The following DMD variants were observed in gnomAD, a reference collection of about 807,000 sequenced individuals.
DMD encodes mutant dystrophin.
A neutral mutation model predicts 330.1 loss-of-function variants in DMD; 63 were observed. The observed-to-expected ratio is 0.19, with a 90% CI of 0.16 to 0.24. The LOEUF is 0.24. Ranked by LOEUF, DMD falls within the 10% of genes least tolerant of loss-of-function variation. DMD has a pLI of 1.00. For synonymous variants in DMD, 1,223 were observed against 959.8 expected, an observed-to-expected ratio of 1.27 and a Z score of -5.07; for missense variants, 3,344 against 2,684.1, an observed-to-expected ratio of 1.25 and a Z score of -5.43.
intron 61 of DMD, among the ~76,000 whole-genome samples, chrX:31,329,960 A>C (rs2057014800): frequency 2.5e-5 from 2 of 80,140 alleles, no homozygotes; most frequent in African/African-American, 9.6e-5. Context: ...ACAGAGCAAG[A>C]TTCCATCTCA....
At chrX:32,698,981 T>C in intron 8 of DMD, 131 bp downstream of exon 8, 2 of 573,214 alleles carry the variant, frequency 3.5e-6, no homozygotes, top group Non-Finnish European at 5.7e-6. Context: ...TTTGTACATA[T>C]ACATACATTA....
intron 2 of DMD, among the ~76,000 whole-genome samples, chrX:32,863,319 C>A (rs746111825): frequency 2.0e-4 from 22 of 108,857 alleles, no homozygotes; most frequent in African/African-American, 7.1e-4. Flanking sequence ...GAGTTTGAGA[C>A]CAGCCTGGCC....
At chrX:31,666,361 G>T (rs956866356) in intron 53 of DMD, among the ~76,000 whole-genome samples, 1 of 111,852 alleles carries the variant, frequency 8.9e-6, no homozygotes, top group Non-Finnish European at 1.9e-5. Flanking sequence ...AATGTACCAA[G>T]ATGGAGATAC....
rs1425824347 is a variant in DMD at position 31,889,645 on chromosome X, TCTCACA to T, written c.6913-14278_6913-14273del. On this transcript the variant is annotated intron_variant, in intron 47 of 78. Coordinates refer to ENST00000357033, the MANE Select transcript of DMD (RefSeq NM_004006.3). Reference sequence around the variant, plus strand: ...GTCTCTCTCTCTCTCTCTCTCTCTCTCTCACACACACACACACACACACACACACAC... The same window carrying T: ...GTCTCTCTCTCTCTCTCTCTCTCTCTCACACACACACACACACACACACAC... Among the ~76,000 whole-genome samples, 283 of 67,604 alleles carry T rather than the reference TCTCACA, an allele frequency of 4.2e-3. 1 individual carries two copies. Among genetic ancestry groups the T allele is most frequent in the Non-Finnish European group, 5.0e-3 (182 of 36,561 alleles). 58.7% of individuals were successfully genotyped at this position (67,604 alleles called of 115,157 possible).
At chrX:31,516,949 T>C (rs772436256) in intron 55 of DMD, among the ~76,000 whole-genome samples, 1 of 111,518 alleles carries the variant, frequency 9.0e-6, no homozygotes, top group Admixed American at 9.6e-5. Flanking sequence ...ACTCTGGTAA[T>C]ACGTGATGCT....
intron 1 of DMD, among the ~76,000 whole-genome samples, chrX:33,101,191 CT>C (rs2095234793): frequency 8.9e-6 from 1 of 112,297 alleles, no homozygotes; most frequent in Non-Finnish European, 1.9e-5. Flanking sequence ...TGTTAATGTC[CT>C]ACTAAAGCTA....
chrX:33,317,917 A>C (rs762376431), intron 1 of DMD, among the ~76,000 whole-genome samples: 1 of 111,899 alleles, frequency 8.9e-6, no homozygotes, highest in East Asian at 2.8e-4. Flanking sequence ...AGGGATTAAT[A>C]AAGTTTCTAC....
intron 1 of DMD, among the ~76,000 whole-genome samples, chrX:33,221,109 T>C (rs909040774): frequency 1.8e-5 from 2 of 111,643 alleles, no homozygotes; most frequent in Admixed American, 9.5e-5. Flanking sequence ...GGGATGACCA[T>C]AGTGACAAAT....
chrX:31,129,161 CAT>C (rs1226655136), intron 77 of DMD, among the ~76,000 whole-genome samples: 2 of 111,123 alleles, frequency 1.8e-5, no homozygotes, highest in Non-Finnish European at 3.8e-5. Context: ...ATAAAATTGA[CAT>C]TATTGATTGT....
rs1187814461 is a variant in DMD, at chrX:31,436,356, A to G, written c.9084+8125T>C. On this transcript the variant is annotated intron_variant, in intron 60 of 78. Transcript: ENST00000357033. ...TTTTCATTCTCTTAAATTCATAAAT[A>G]TTTCTTTGGCTCCTGATGGCTTCAT... 4.5e-5 allele frequency among the ~76,000 whole-genome samples: 5 copies of G among 111,368 alleles called. No homozygotes were observed. In the Admixed American group the frequency reaches 4.8e-4, roughly 11 times the overall value.
At chrX:31,413,257 G>T (rs2061723399) in intron 60 of DMD, among the ~76,000 whole-genome samples, 1 of 112,180 alleles carries the variant, frequency 8.9e-6, no homozygotes, top group Non-Finnish European at 1.9e-5. Flanking sequence ...TACAGTCCTT[G>T]TGGTTATTTA....
intron 11 of DMD, among the ~76,000 whole-genome samples, chrX:32,623,931 CTATTT>C (rs1449429641): frequency 9.0e-6 from 1 of 111,638 alleles, no homozygotes; most frequent in African/African-American, 3.3e-5. Context: ...AGACTGTGCA[CTATTT>C]TATTTTTTTC....
chrX:33,217,683 G>T (rs1039549393), intron 1 of DMD, among the ~76,000 whole-genome samples: 5 of 111,603 alleles, frequency 4.5e-5, no homozygotes, highest in East Asian at 2.8e-4. Flanking sequence ...ATGCTGTATT[G>T]TTACATATAG....
chrX:32,457,676 G>T (rs2098366242), intron 25 of DMD, among the ~76,000 whole-genome samples: 1 of 96,685 alleles, frequency 1.0e-5, no homozygotes, highest in Non-Finnish European at 2.1e-5. Flanking sequence ...TATTCTGATT[G>T]CTTATATTTT....
chrX:31,321,607 A>AAAAAAAAAAAAAAAAAAAAAAAAAAG (rs1388525572), intron 62 of DMD, among the ~76,000 whole-genome samples: 1 of 89,284 alleles, frequency 1.1e-5, no homozygotes, highest in Non-Finnish European at 2.0e-5. Flanking sequence ...AAAAAAAAAA[A>AAAAAAAAAAAAAAAAAAAAAAAAAAG]AAAGAAAGAA....
intron 1 of DMD, among the ~76,000 whole-genome samples, chrX:33,260,801 T>A (rs750446862): frequency 9.0e-6 from 1 of 111,621 alleles, no homozygotes; most frequent in Non-Finnish European, 1.9e-5. Flanking sequence ...ATTTTGTCGA[T>A]GATAGGTTGT....
chrX:31,889,445 T>C (rs56400276), intron 47 of DMD, among the ~76,000 whole-genome samples: 27,954 of 108,987 alleles, frequency 0.26, 2,797 homozygotes, highest in African/African-American at 0.28. Context: ...ATAGGTGACA[T>C]TGATTTGCTC....
chrX:32,378,639 T>C (rs777639077), intron 34 of DMD, among the ~76,000 whole-genome samples: 2 of 110,852 alleles, frequency 1.8e-5, no homozygotes, highest in Non-Finnish European at 3.8e-5. Context: ...ATTCAGCAGA[T>C]ATAAATTAAA....
intron 7 of DMD, among the ~76,000 whole-genome samples, chrX:32,749,922 C>A (rs1035704573): frequency 2.1e-4 from 24 of 112,155 alleles, no homozygotes; most frequent in African/African-American, 7.8e-4. Context: ...TTATATGAAC[C>A]AATGAATCAC....
Sources: allele counts gnomAD v4.1 joint callset (sites outside exome capture counted in the v4.1 genomes callset), GRCh38; gene constraint gnomAD v4.1.1; transcripts MANE v1.5; gene names NCBI Gene and HGNC (gene_info 2026-07-23, HGNC 2026-07-21).